The following CDH9 variants were observed in gnomAD, a reference collection of about 807,000 sequenced individuals.
CDH9 encodes the protein cadherin 9.
In CDH9, 28 loss-of-function variants were observed where a neutral mutation model predicts 70.9. The observed-to-expected ratio is 0.40, with a 90% CI of 0.29 to 0.54. The LOEUF (loss-of-function observed/expected upper bound fraction) is 0.54, where lower values mean the gene tolerates loss of function less well. Ranked by LOEUF, CDH9 falls within the 20% of genes least tolerant of loss-of-function variation. The pLI is 0.59. For missense variants in CDH9, 874 were observed against 984.4 expected, an observed-to-expected ratio of 0.89 and a Z score of 1.50; for synonymous variants, 409 against 343.1, an observed-to-expected ratio of 1.19 and a Z score of -2.12.
At chr5:26,930,608 G>T (rs1296775519) in intron 2 of CDH9, among the ~76,000 whole-genome samples, 1 of 152,056 alleles carries the variant, frequency 6.6e-6, no homozygotes, top group Non-Finnish European at 1.5e-5. Context: ...AGCTGTGATG[G>T]ATAGGTTTAC....
At chr5:26,994,734 A>G (rs1579501274) in intron 1 of CDH9, among the ~76,000 whole-genome samples, 1 of 152,092 alleles carries the variant, frequency 6.6e-6, no homozygotes, top group Non-Finnish European at 1.5e-5. Context: ...CACACAGTCT[A>G]TGGTATCTTG....
At chr5:27,035,950 C>T (rs1743386368) in intron 1 of CDH9, among the ~76,000 whole-genome samples, 1 of 151,716 alleles carries the variant, frequency 6.6e-6, no homozygotes, top group South Asian at 2.1e-4. Context: ...GAACAAGTTA[C>T]AGCCAATGTT....
intron 2 of CDH9, among the ~76,000 whole-genome samples, chr5:26,975,320 T>G (rs1433471694): frequency 2.0e-5 from 3 of 152,198 alleles, no homozygotes; most frequent in African/African-American, 7.2e-5. Flanking sequence ...AGCATTGAAC[T>G]CTCATGTTTC....
At chr5:26,889,980 A>T in intron 8 of CDH9, 23 bp from the exon 9 acceptor site, 1 of 1,607,118 alleles carries the variant, frequency 6.2e-7, no homozygotes, top group Non-Finnish European at 8.5e-7. Flanking sequence ...CACGTGTAAG[A>T]TTTCAGTCTC....
Position 26,882,872 on chromosome 5 carries a change from G to T in CDH9, c.1883-1249C>A, listed in dbSNP as rs2111963241. Among the ~76,000 whole-genome samples, 2 of 150,994 alleles carry T rather than the reference G, an allele frequency of 1.3e-5. 1 individual carries two copies. ...ACTACACTTCAACATGGCCCGTGAG[G>T]CCCCTATAACTACACTAAAGCCCTG... On this transcript the variant is annotated intron_variant, in intron 11 of 11. Transcript: ENST00000231021.
rs557266993 is a variant in CDH9, at chr5:26,907,303, G to A, written c.524-465C>T. ...GGTAAATAAAATAAAAAAATAAAGA[G>A]AAAATTTCTATGAAGAAATAAACCA... On this transcript the variant is annotated intron_variant, in intron 3 of 11. Coordinates refer to ENST00000231021, the MANE Select transcript of CDH9 (RefSeq NM_016279.4). 8.5e-5 allele frequency among the ~76,000 whole-genome samples: 13 copies of A among 152,074 alleles called. No homozygotes were observed. In the South Asian group the frequency reaches 2.7e-3, roughly 32 times the overall value.
intron 2 of CDH9, among the ~76,000 whole-genome samples, chr5:26,979,489 G>A (rs190764528): frequency 6.6e-6 from 1 of 151,740 alleles, no homozygotes; most frequent in Non-Finnish European, 1.5e-5. Flanking sequence ...AGAACAACTG[G>A]GGGGAACAGA....
At chr5:26,891,276 T>C (rs1740655462) in intron 7 of CDH9, among the ~76,000 whole-genome samples, 1 of 152,204 alleles carries the variant, frequency 6.6e-6, no homozygotes, top group South Asian at 2.1e-4. Context: ...AGATGTTGTT[T>C]TACACAGCAA....
chr5:26,963,932 A>C (rs1173928050), intron 2 of CDH9, among the ~76,000 whole-genome samples: 1 of 152,146 alleles, frequency 6.6e-6, no homozygotes, highest in African/African-American at 2.4e-5. Context: ...AGAAAAAACA[A>C]TTAATCTATG....
At chr5:27,033,652 A>T (rs1376019038) in intron 1 of CDH9, among the ~76,000 whole-genome samples, 1 of 151,530 alleles carries the variant, frequency 6.6e-6, no homozygotes, top group African/African-American at 2.4e-5. Flanking sequence ...AAAACAAAAA[A>T]ACACAATTTT....
chr5:26,993,600 G>C (rs1202197539), intron 1 of CDH9, among the ~76,000 whole-genome samples: 1 of 146,562 alleles, frequency 6.8e-6, no homozygotes, highest in East Asian at 2.0e-4. Flanking sequence ...GAGGAAAGCT[G>C]CCAGTTTGAA....
At chr5:26,992,891 GT>G (rs1474941296) in intron 1 of CDH9, among the ~76,000 whole-genome samples, 4 of 152,156 alleles carry the variant, frequency 2.6e-5, no homozygotes, top group Non-Finnish European at 5.9e-5. Context: ...GAGGTCAGGA[GT>G]TCGAGACCAG....
At chr5:27,032,836 A>G (rs1050202522) in intron 1 of CDH9, among the ~76,000 whole-genome samples, 20 of 151,642 alleles carry the variant, frequency 1.3e-4, no homozygotes, top group African/African-American at 4.8e-4. Context: ...AGTCAACTAA[A>G]TAATTAAAAA....
chr5:26,918,628 T>C (rs1046312473), intron 2 of CDH9, among the ~76,000 whole-genome samples: 6 of 152,226 alleles, frequency 3.9e-5, no homozygotes, highest in Non-Finnish European at 5.9e-5. Flanking sequence ...CACACCTCAG[T>C]ATGGGTGACT....
At chr5:26,970,037 T>C (rs943370517) in intron 2 of CDH9, among the ~76,000 whole-genome samples, 1 of 151,062 alleles carries the variant, frequency 6.6e-6, no homozygotes, top group Non-Finnish European at 1.5e-5. Flanking sequence ...AGAAGGTTTA[T>C]TTTTATATTC....
At chr5:26,954,664 G>A (rs1435976869) in intron 2 of CDH9, among the ~76,000 whole-genome samples, 4 of 151,848 alleles carry the variant, frequency 2.6e-5, no homozygotes, top group Non-Finnish European at 2.9e-5. Flanking sequence ...GATTACAGGC[G>A]TGAGCCACCG....
At chr5:27,027,295 T>C (rs1743236345) in intron 1 of CDH9, among the ~76,000 whole-genome samples, 1 of 152,022 alleles carries the variant, frequency 6.6e-6, no homozygotes, top group Admixed American at 6.6e-5. Context: ...TAAGGAACCT[T>C]ATGATGTGAA....
At chr5:26,987,230 A>G (rs1742503983) in intron 2 of CDH9, among the ~76,000 whole-genome samples, 1 of 151,326 alleles carries the variant, frequency 6.6e-6, no homozygotes, top group Non-Finnish European at 1.5e-5. Flanking sequence ...AAATAAATTT[A>G]TGATCTGTAG....
intron 2 of CDH9, among the ~76,000 whole-genome samples, chr5:26,943,725 C>T (rs1387748486): frequency 6.6e-6 from 1 of 152,056 alleles, no homozygotes; most frequent in African/African-American, 2.4e-5. Context: ...AAGGTGATGG[C>T]AGGAAGATAA....
Sources: gnomAD v4.1 joint callset for allele counts (sites outside exome capture counted in the v4.1 genomes callset) on GRCh38, gnomAD v4.1.1 for gene constraint, MANE v1.5 for transcripts, NCBI Gene and HGNC (gene_info 2026-07-23, HGNC 2026-07-21) for gene names.